ABTB3: variants seen among roughly 807,000 people sequenced by gnomAD.
ABTB3 encodes ankyrin repeat and BTB domain containing 3, also known as ankyrin repeat- and BTB/POZ domain-containing protein 3.
chr12:107,543,036 T>C, the ABTB3 span, among the ~76,000 whole-genome samples: 1 of 152,274 alleles, frequency 6.6e-6, no homozygotes, highest in African/African-American at 2.4e-5. Context: ...TTTGTTGTCA[T>C]CAAATTTACT....
chr12:107,451,387 G>A, the ABTB3 span, among the ~76,000 whole-genome samples: 1 of 152,202 alleles, frequency 6.6e-6, no homozygotes, highest in Non-Finnish European at 1.5e-5. Context: ...ACCCTCTGCT[G>A]CGTTACGCAG....
the ABTB3 span, among the ~76,000 whole-genome samples, chr12:107,359,412 A>G: frequency 6.6e-6 from 1 of 152,212 alleles, no homozygotes; most frequent in African/African-American, 2.4e-5. Flanking sequence ...TCTTGCCTCC[A>G]GGCTCAGGGC....
the ABTB3 span, among the ~76,000 whole-genome samples, chr12:107,404,221 A>G: frequency 6.6e-6 from 1 of 151,636 alleles, no homozygotes; most frequent in South Asian, 2.1e-4. Context: ...TGACACAAAC[A>G]AAGGAGACCC....
At chr12:107,474,745 C>G in the ABTB3 span, among the ~76,000 whole-genome samples, 102 of 152,064 alleles carry the variant, frequency 6.7e-4, 2 homozygotes, top group Non-Finnish European at 1.2e-3. Context: ...TTTTACCAAC[C>G]TTTAGCACAG....
At chr12:107,389,984 C>T in the ABTB3 span, among the ~76,000 whole-genome samples, 6 of 151,964 alleles carry the variant, frequency 3.9e-5, no homozygotes, top group African/African-American at 1.5e-4. Flanking sequence ...GGTCTTTCAG[C>T]ACAAAAATTG....
the ABTB3 span, among the ~76,000 whole-genome samples, chr12:107,590,518 C>T: frequency 6.6e-6 from 1 of 152,102 alleles, no homozygotes; most frequent in Non-Finnish European, 1.5e-5. Context: ...GTTGCAACAC[C>T]AGCAGAGAAA....
the ABTB3 span, among the ~76,000 whole-genome samples, chr12:107,424,062 C>A: frequency 4.4e-3 from 665 of 152,278 alleles, 3 homozygotes; most frequent in African/African-American, 0.015. Context: ...TGCCACGTGA[C>A]GTGGGAGGAC....
the ABTB3 span, among the ~76,000 whole-genome samples, chr12:107,509,345 ATT>A: frequency 6.6e-6 from 1 of 152,244 alleles, no homozygotes; most frequent in Non-Finnish European, 1.5e-5. Context: ...AAGATGGAGA[ATT>A]TTCAGAATTG....
At chr12:107,556,146 G>C in the ABTB3 span, among the ~76,000 whole-genome samples, 8 of 151,028 alleles carry the variant, frequency 5.3e-5, no homozygotes, top group Admixed American at 5.3e-4. Context: ...CCAGGCTGGA[G>C]TGCAATGGTG....
chr12:107,324,353 G>C, the ABTB3 span, among the ~76,000 whole-genome samples: 7 of 152,274 alleles, frequency 4.6e-5, no homozygotes, highest in Admixed American at 1.3e-4. Context: ...GTCACAAAAA[G>C]ATTGTTTTGG....
the ABTB3 span, among the ~76,000 whole-genome samples, chr12:107,404,714 G>A: frequency 6.6e-6 from 1 of 152,134 alleles, no homozygotes; most frequent in Non-Finnish European, 1.5e-5. Flanking sequence ...GCTTGTTCGA[G>A]GCAGGTGCTT....
the ABTB3 span, among the ~76,000 whole-genome samples, chr12:107,470,844 G>A: frequency 6.6e-6 from 1 of 152,184 alleles, no homozygotes; most frequent in African/African-American, 2.4e-5. Flanking sequence ...AAGCCATCTG[G>A]AAAGCTGGGG....
the ABTB3 span, among the ~76,000 whole-genome samples, chr12:107,381,607 G>A: frequency 6.6e-6 from 1 of 152,204 alleles, no homozygotes. Context: ...CAATGGATGA[G>A]GCTGGAAAGG....
the ABTB3 span, among the ~76,000 whole-genome samples, chr12:107,452,162 A>C: frequency 6.6e-6 from 1 of 151,960 alleles, no homozygotes; most frequent in Non-Finnish European, 1.5e-5. Context: ...GATAGGCATA[A>C]GAGTGACCCA....
chr12:107,334,725 A>G, the ABTB3 span, among the ~76,000 whole-genome samples: 1 of 152,152 alleles, frequency 6.6e-6, no homozygotes, highest in African/African-American at 2.4e-5. Context: ...AGCGGGAGTG[A>G]GTATAGAAGG....
At chr12:107,443,248 C>T in the ABTB3 span, among the ~76,000 whole-genome samples, 6 of 151,582 alleles carry the variant, frequency 4.0e-5, no homozygotes, top group South Asian at 2.1e-4. Flanking sequence ...AATGAAATGG[C>T]GCGGCCTTTT....
chr12:107,494,352 C>T, the ABTB3 span, among the ~76,000 whole-genome samples: 1 of 152,158 alleles, frequency 6.6e-6, no homozygotes, highest in South Asian at 2.1e-4. Flanking sequence ...GAGCCGGGAC[C>T]TTCCCAGATG....
the ABTB3 span, chr12:107,612,976 T>C: frequency 1.0e-6 from 1 of 983,450 alleles, no homozygotes; most frequent in Non-Finnish European, 1.5e-6. Flanking sequence ...GGGTGCACAG[T>C]GCAACAGATA....
the ABTB3 span, among the ~76,000 whole-genome samples, chr12:107,427,862 G>T: frequency 4.6e-4 from 70 of 152,302 alleles, 1 homozygote; most frequent in Admixed American, 3.1e-3. Context: ...GGGTGAGGTG[G>T]TATGAGCTCA....
Sources: allele counts gnomAD v4.1 joint callset (sites outside exome capture counted in the v4.1 genomes callset), GRCh38; gene constraint gnomAD v4.1.1; transcripts MANE v1.5; gene names NCBI Gene and HGNC (gene_info 2026-07-23, HGNC 2026-07-21).